Variants in ATXN7L1 observed in about 807,000 individuals in gnomAD.
ATXN7L1 encodes the protein ataxin 7 like 1, also known as ataxin-7-like protein 1.
ATXN7L1 carries 15 observed loss-of-function variants against 70.8 expected under a neutral mutation model. The observed-to-expected ratio is 0.21, with a 90% CI of 0.14 to 0.33. The LOEUF is 0.33. Among genes scored for constraint, ATXN7L1 ranks in the 10% least tolerant of loss-of-function variants. The pLI is 1.00. For synonymous variants in ATXN7L1, 440 were observed against 445.1 expected (o/e 0.99, Z 0.14); for missense variants, 975 against 1,097.1 (o/e 0.89, Z 1.57).
chr7:105,866,124 G>C (rs976125660), intron 2 of ATXN7L1, among the ~76,000 whole-genome samples: 1 of 152,130 alleles, frequency 6.6e-6, no homozygotes, highest in African/African-American at 2.4e-5. Context: ...TCTGTGGCCT[G>C]TCAATGCCTT....
intron 5 of ATXN7L1, among the ~76,000 whole-genome samples, chr7:105,642,593 T>C (rs1798432548): frequency 6.6e-6 from 1 of 152,226 alleles, no homozygotes; most frequent in Non-Finnish European, 1.5e-5. Context: ...GCACCCTGCC[T>C]CCTGGGTTGC....
In ATXN7L1 at chr7:105,876,502, T is replaced by G. The variant is rs748091135; in HGVS notation, c.57A>C (p.Thr19=). ...CTCTTCCTTCTTGTTGCTTTTTCCCTGTTCCTTCGGCAGCAGCAGCCGAGA... is the reference window on the plus strand; with the variant it reads ...CTCTTCCTTCTTGTTGCTTTTTCCCGGTTCCTTCGGCAGCAGCAGCCGAGA... ...PCLSAAAAEG[T]GKKQQEGRAM... The change falls in exon 1 of 12, where the codon ACA becomes ACC. Residue 19 remains threonine (T), a synonymous_variant. Coordinates refer to ENST00000419735, the MANE Select transcript of ATXN7L1 (RefSeq NM_020725.2). 6.2e-6 allele frequency: 10 copies of G among 1,613,208 alleles called. No individual in the cohort carries two copies. The highest frequency in any genetic ancestry group is 8.5e-6 in the Non-Finnish European group (10 of 1,179,676).
At chr7:105,680,905 A>G (rs2116156777) in intron 3 of ATXN7L1, among the ~76,000 whole-genome samples, 1 of 152,336 alleles carries the variant, frequency 6.6e-6, no homozygotes, top group East Asian at 1.9e-4. Flanking sequence ...TCCCAGAGCA[A>G]TCTGGACCTT....
rs532211236 is a variant in ATXN7L1 at position 105,727,195 on chromosome 7, A to G, written c.355+61409T>C. On this transcript the variant is annotated intron_variant, in intron 3 of 11. Transcript: ENST00000419735. Reference sequence around the variant, plus strand: ...TCATTCCTGAATAAACACTATGCACAAGAGTGTTCACTAGAGCACTGCCAA... The same window carrying G: ...TCATTCCTGAATAAACACTATGCACGAGAGTGTTCACTAGAGCACTGCCAA... Among the ~76,000 whole-genome samples, 7 of 152,342 alleles carry G rather than the reference A, an allele frequency of 4.6e-5. No individual in the cohort carries two copies. In the South Asian group the frequency reaches 1.2e-3, roughly 27 times the overall value.
chr7:105,833,031 T>C lies in ATXN7L1; in HGVS notation c.250+42781A>G, dbSNP rs1163470980. Among the ~76,000 whole-genome samples the C allele has an allele frequency of 2.6e-5, 4 of 152,200 alleles. No individual in the cohort carries two copies. In the East Asian group the frequency reaches 7.7e-4, roughly 29 times the overall value. On this transcript the variant is annotated intron_variant, in intron 2 of 11. Coordinates refer to ENST00000419735, the MANE Select transcript of ATXN7L1 (RefSeq NM_020725.2). ...AACAGAAATCAGACCATGTCTCTCC[T>C]GATTAAAACCCTCTAATGGCTTCTC...
chr7:105,732,656 T>C (rs1357089862), intron 3 of ATXN7L1, among the ~76,000 whole-genome samples: 1 of 152,190 alleles, frequency 6.6e-6, no homozygotes, highest in Non-Finnish European at 1.5e-5. Flanking sequence ...GTGCCTATGT[T>C]GGCAGGGGTG....
chr7:105,872,024 G>A (rs1255794390), intron 2 of ATXN7L1, among the ~76,000 whole-genome samples: 4 of 150,488 alleles, frequency 2.7e-5, no homozygotes, highest in African/African-American at 7.3e-5. Context: ...CTGGAGTCTC[G>A]CTCTTTCGCC....
At chr7:105,715,327 G>A (rs1375792367) in intron 3 of ATXN7L1, among the ~76,000 whole-genome samples, 1 of 152,228 alleles carries the variant, frequency 6.6e-6, no homozygotes, top group Non-Finnish European at 1.5e-5. Flanking sequence ...GTTCACGTGG[G>A]CATCAAGTGA....
rs575688871 is a variant in ATXN7L1 at position 105,796,136 on chromosome 7, G to T, written c.251-7428C>A. On this transcript the variant is annotated intron_variant, in intron 2 of 11. Coordinates refer to ENST00000419735, the MANE Select transcript of ATXN7L1 (RefSeq NM_020725.2). ...TCCCAGCACTTTGGGAGGCCGAGGC[G>T]GGCAGATCATGAGGTCAAGAAATTG... 2.0e-5 allele frequency among the ~76,000 whole-genome samples: 3 copies of T among 152,156 alleles called. No individual in the cohort carries two copies. The East Asian group carries it at 5.8e-4, about 29-fold the overall frequency.
At chr7:105,860,893 A>G (rs1816527782) in intron 2 of ATXN7L1, among the ~76,000 whole-genome samples, 1 of 152,246 alleles carries the variant, frequency 6.6e-6, no homozygotes, top group Admixed American at 6.5e-5. Flanking sequence ...TAATGCAGCT[A>G]TGATGACAAG....
chr7:105,733,985 C>T (rs1277559864), intron 3 of ATXN7L1, among the ~76,000 whole-genome samples: 1 of 149,240 alleles, frequency 6.7e-6, no homozygotes, highest in African/African-American at 2.4e-5. Flanking sequence ...TCCATGCTTT[C>T]AATCCTTTTG....
At position 105,719,101 on chromosome 7, in the gene ATXN7L1, T is replaced by C. The variant is rs182193826; in HGVS notation, c.356-53813A>G. Among the ~76,000 whole-genome samples the C allele has an allele frequency of 1.3e-3, 191 of 152,276 alleles. 1 individual carries two copies. The highest frequency in any genetic ancestry group is 4.4e-3 in the African/African-American group (184 of 41,546). On this transcript the variant is annotated intron_variant, in intron 3 of 11. Transcript: ENST00000419735. ...TGTACCTATTAAAATGGAATGATTC[T>C]TCTGTCCTTTTGTGAGCAGGAGCCG...
At chr7:105,625,676 C>A (rs542803271) in intron 7 of ATXN7L1, among the ~76,000 whole-genome samples, 34 of 152,274 alleles carry the variant, frequency 2.2e-4, no homozygotes, top group African/African-American at 8.2e-4. Context: ...AACAACCCAA[C>A]ACATGTCATC....
chr7:105,841,969 T>G (rs1014427551), intron 2 of ATXN7L1, among the ~76,000 whole-genome samples: 2 of 152,170 alleles, frequency 1.3e-5, no homozygotes, highest in Admixed American at 6.5e-5. Context: ...TTAGAATGAC[T>G]TAAACAGGGT....
intron 5 of ATXN7L1, among the ~76,000 whole-genome samples, chr7:105,640,624 C>G (rs1798042193): frequency 6.6e-6 from 1 of 152,204 alleles, no homozygotes. Flanking sequence ...CAGCCTCGAC[C>G]TCCTGGGCTC....
chr7:105,828,511 G>C (rs1811174275), intron 2 of ATXN7L1, among the ~76,000 whole-genome samples: 1 of 152,124 alleles, frequency 6.6e-6, no homozygotes. Context: ...AGATAAACCA[G>C]GTAAATATGG....
In ATXN7L1 at chr7:105,664,963, T is replaced by C. The variant is rs1584607138; in HGVS notation, c.578+103A>G. ...TTCCTCAGTCCCCCAAATTCCTGCA[T>C]GTGACACCTAGGAACAAAGCCAGAG... On this transcript the variant is annotated intron_variant, in intron 4 of 11. Coordinates refer to ENST00000419735, the MANE Select transcript of ATXN7L1 (RefSeq NM_020725.2). 3.4e-6 allele frequency: 4 copies of C among 1,177,772 alleles called. No homozygotes were observed. The East Asian group carries it at 7.7e-5, about 23-fold the overall frequency. 73.0% of individuals were successfully genotyped at this position (1,177,772 alleles called of 1,614,324 possible).
chr7:105,869,159 C>A (rs1817889928), intron 2 of ATXN7L1, among the ~76,000 whole-genome samples: 1 of 152,206 alleles, frequency 6.6e-6, no homozygotes, highest in African/African-American at 2.4e-5. Flanking sequence ...TCCCTACCAC[C>A]TTTAAGCCGC....
At chr7:105,692,400 TCCTTCCTTCCTTCCTTCCTTCCTTCCTC>T in intron 3 of ATXN7L1, among the ~76,000 whole-genome samples, 1 of 122,326 alleles carries the variant, frequency 8.2e-6, no homozygotes, top group African/African-American at 3.2e-5. Flanking sequence ...CTTCCTTCCT[TCCTTCCTTCCTTCCTTCCTTCCTTCCTC>T]CCTCCCTCCC....
Sources: gnomAD v4.1 joint callset for allele counts (sites outside exome capture counted in the v4.1 genomes callset) on GRCh38, gnomAD v4.1.1 for gene constraint, MANE v1.5 for transcripts, NCBI Gene and HGNC (gene_info 2026-07-23, HGNC 2026-07-21) for gene names.